Variants in ARMH3 observed in about 807,000 individuals in gnomAD.
The protein encoded by ARMH3 is armadillo like helical domain containing 3, also known as armadillo-like helical domain-containing protein 3.
A neutral mutation model predicts 99.1 loss-of-function variants in ARMH3; 60 were observed. The ratio of observed to expected loss-of-function variants is 0.61; its 90% confidence interval spans 0.49 to 0.75. The LOEUF (loss-of-function observed/expected upper bound fraction) is 0.75. Among genes scored for constraint, ARMH3 ranks in the 30% least tolerant of loss-of-function variants. ARMH3 has a pLI of 0.00. For missense variants in ARMH3, 679 were observed against 843.1 expected (o/e 0.81, Z 2.41); for synonymous variants, 285 against 292.8 (o/e 0.97, Z 0.27).
chr10:101,909,919 G>A (rs1364062750), intron 23 of ARMH3, among the ~76,000 whole-genome samples: 19 of 151,856 alleles, frequency 1.3e-4, no homozygotes, highest in African/African-American at 4.4e-4. Context: ...ATAATATTTT[G>A]GGTACTTTGG....
intron 24 of ARMH3, among the ~76,000 whole-genome samples, chr10:101,865,222 A>C (rs953200369): frequency 5.3e-5 from 8 of 151,900 alleles, no homozygotes; most frequent in East Asian, 3.9e-4. Context: ...TCTCAAAAAA[A>C]AAAAACAAAA....
At chr10:101,897,269 C>G (rs1202888429) in intron 23 of ARMH3, among the ~76,000 whole-genome samples, 3 of 152,206 alleles carry the variant, frequency 2.0e-5, no homozygotes, top group African/African-American at 7.2e-5. Flanking sequence ...CTAAAAGCTC[C>G]AAGACAGCAG....
chr10:101,986,442 C>T (rs1436318337), intron 19 of ARMH3, among the ~76,000 whole-genome samples: 2 of 151,838 alleles, frequency 1.3e-5, no homozygotes, highest in Non-Finnish European at 2.9e-5. Context: ...CCAGGCAAGA[C>T]CTTTCTTTTT....
intron 19 of ARMH3, among the ~76,000 whole-genome samples, chr10:101,977,666 G>A (rs1297233864): frequency 6.6e-6 from 1 of 152,230 alleles, no homozygotes; most frequent in Admixed American, 6.5e-5. Flanking sequence ...GGTCATGAGG[G>A]CTCTGCCCTC....
intron 19 of ARMH3, among the ~76,000 whole-genome samples, chr10:101,988,161 G>A (rs1300029391): frequency 6.6e-6 from 1 of 152,038 alleles, no homozygotes; most frequent in Non-Finnish European, 1.5e-5. Flanking sequence ...AATACACCTG[G>A]GAATGTAACA....
chr10:101,960,606 A>C (rs1054769891), intron 20 of ARMH3, among the ~76,000 whole-genome samples: 1 of 152,136 alleles, frequency 6.6e-6, no homozygotes, highest in Non-Finnish European at 1.5e-5. Flanking sequence ...CATTAAGAAG[A>C]TAAGCCAGGT....
chr10:101,978,952 T>A (rs955018788), intron 19 of ARMH3, among the ~76,000 whole-genome samples: 22 of 151,014 alleles, frequency 1.5e-4, no homozygotes, highest in African/African-American at 3.1e-4. Flanking sequence ...AAAATAAAAT[T>A]AAATTAAATT....
intron 1 of ARMH3, among the ~76,000 whole-genome samples, chr10:102,044,625 A>G (rs1564881598): frequency 6.6e-6 from 1 of 152,002 alleles, no homozygotes; most frequent in Non-Finnish European, 1.5e-5. Flanking sequence ...CAGCCTCCCA[A>G]AGTGCTAGAA....
intron 23 of ARMH3, among the ~76,000 whole-genome samples, chr10:101,937,461 G>A (rs1844033735): frequency 6.6e-6 from 1 of 151,694 alleles, no homozygotes; most frequent in Non-Finnish European, 1.5e-5. Flanking sequence ...GGAGGCTGCA[G>A]TGAGCAGAAA....
Position 101,864,076 on chromosome 10 carries a change from A to AC in ARMH3, c.1861-14185_1861-14184insG, listed in dbSNP as rs1194790506. ...ACTCCATCTCAAAAAAAAAAAAAAA[A>AC]AAACACACACACACACACACACACA... On this transcript the variant is annotated intron_variant, in intron 24 of 25. Coordinates refer to ENST00000370033, the MANE Select transcript of ARMH3 (RefSeq NM_024541.3). Among the ~76,000 whole-genome samples the AC allele has an allele frequency of 7.2e-3, 916 of 127,968 alleles. 5 individuals are homozygous for AC. Among genetic ancestry groups the AC allele is most frequent in the African/African-American group, 0.018 (651 of 35,388 alleles). The allele number at this position is 127,968 out of a possible 152,430, so 84.0% of individuals were successfully genotyped here. A position where few individuals can be genotyped will look rare whatever the true frequency, so the allele number is the denominator to read the frequency against.
chr10:101,959,005 G>T (rs1845163843), intron 20 of ARMH3, among the ~76,000 whole-genome samples: 1 of 152,174 alleles, frequency 6.6e-6, no homozygotes, highest in African/African-American at 2.4e-5. Flanking sequence ...AAAAAGCCTT[G>T]CCAGGCATGA....
intron 13 of ARMH3, among the ~76,000 whole-genome samples, chr10:102,007,656 T>TAA (rs961346897): frequency 0.05 from 2,721 of 54,940 alleles, 154 homozygotes; most frequent in Non-Finnish European, 0.06. Context: ...CTGTCTCTAC[T>TAA]AAAAAAAAAA....
intron 5 of ARMH3, among the ~76,000 whole-genome samples, chr10:102,026,055 A>G (rs1411690275): frequency 6.6e-6 from 1 of 152,198 alleles, no homozygotes; most frequent in Non-Finnish European, 1.5e-5. Flanking sequence ...CTATCCAACG[A>G]AGCTAACTTG....
At position 101,846,420 on chromosome 10, in the gene ARMH3, C is replaced by T. The variant is rs1266764810; in HGVS notation, c.*1108G>A. ...GAAAGGGAACCAGCAAAGTAGGCAC[C>T]TTGAGGGCTCCAGAAAGCCTGTCAA... On this transcript the variant is annotated 3_prime_UTR_variant, in exon 26 of 26. Coordinates refer to ENST00000370033, the MANE Select transcript of ARMH3 (RefSeq NM_024541.3). 1 of 152,252 alleles carries T rather than the reference C, an allele frequency of 6.6e-6. No individual in the cohort carries two copies. Among genetic ancestry groups the T allele is most frequent in the Non-Finnish European group, 1.5e-5 (1 of 68,092 alleles). 9.4% of individuals were successfully genotyped at this position (152,252 alleles called of 1,614,324 possible). A position where few individuals can be genotyped will look rare whatever the true frequency, so the allele number is the denominator to read the frequency against.
chr10:102,030,464 T>C (rs1313423798), intron 4 of ARMH3, among the ~76,000 whole-genome samples: 3 of 152,140 alleles, frequency 2.0e-5, no homozygotes, highest in African/African-American at 7.2e-5. Flanking sequence ...ATCCCAACAC[T>C]TTGGGAGGCT....
At chr10:102,047,617 GCTGGGA>G (rs2067588480) in intron 1 of ARMH3, among the ~76,000 whole-genome samples, 1 of 151,704 alleles carries the variant, frequency 6.6e-6, no homozygotes, top group South Asian at 2.1e-4. Context: ...CTCCCAAGTA[GCTGGGA>G]CTACAGGCAC....
At chr10:101,957,485 T>C (rs769594396) in intron 21 of ARMH3, among the ~76,000 whole-genome samples, 165 bp downstream of exon 21, 8 of 152,096 alleles carry the variant, frequency 5.3e-5, no homozygotes, top group African/African-American at 1.2e-4. Flanking sequence ...GCCAAAGACA[T>C]AGGTGAGAGT....
At chr10:101,917,456 G>A (rs1843133053) in intron 23 of ARMH3, among the ~76,000 whole-genome samples, 1 of 152,208 alleles carries the variant, frequency 6.6e-6, no homozygotes, top group African/African-American at 2.4e-5. Context: ...CTGTAGAATA[G>A]TATTTCATTA....
intron 24 of ARMH3, among the ~76,000 whole-genome samples, chr10:101,867,536 AC>A: frequency 6.6e-6 from 1 of 152,354 alleles, no homozygotes; most frequent in Non-Finnish European, 1.5e-5. Flanking sequence ...CATCACTGTT[AC>A]AGAAAAAGCC....
Sources: allele counts gnomAD v4.1 joint callset (sites outside exome capture counted in the v4.1 genomes callset), GRCh38; gene constraint gnomAD v4.1.1; transcripts MANE v1.5; gene names NCBI Gene and HGNC (gene_info 2026-07-23, HGNC 2026-07-21).